Variants in PLPP3 observed in about 807,000 individuals in gnomAD.
PLPP3 encodes the protein phospholipid phosphatase 3.
A neutral mutation model predicts 29.6 loss-of-function variants in PLPP3; 6 were observed. That is an observed-to-expected ratio of 0.20 (90% confidence interval 0.11 to 0.40). The LOEUF (loss-of-function observed/expected upper bound fraction) is 0.40. Ranked by LOEUF, PLPP3 falls within the 10% of genes least tolerant of loss-of-function variation. The pLI is 1.00. For synonymous variants in PLPP3, 152 were observed against 159.7 expected (o/e 0.95, Z 0.36); for missense variants, 308 against 407.7 (o/e 0.76, Z 2.11).
At chr1:56,532,059 T>G (rs1158064329) in intron 2 of PLPP3, among the ~76,000 whole-genome samples, 1 of 152,164 alleles carries the variant, frequency 6.6e-6, no homozygotes, top group African/African-American at 2.4e-5. Context: ...TGTACCTAAC[T>G]AAGGAAGAAT....
Position 56,524,645 on chromosome 1 carries a change from T to C in PLPP3, c.298-91A>G. The C allele has an allele frequency of 1.4e-6, 2 of 1,405,258 alleles. No homozygotes were observed. The highest frequency in any genetic ancestry group is 2.3e-5 in the East Asian group (1 of 42,810). The allele number at this position is 1,405,258 out of a possible 1,614,324, so 87.0% of individuals were successfully genotyped here. A position where few individuals can be genotyped will look rare whatever the true frequency, so the allele number is the denominator to read the frequency against. Reference sequence around the variant, plus strand: ...GGATATTCAACAACACAGGAGAATATTCAGTATTTGCAAAGGAGTGTCCTA... The same window carrying C: ...GGATATTCAACAACACAGGAGAATACTCAGTATTTGCAAAGGAGTGTCCTA... On this transcript the variant is annotated intron_variant, in intron 2 of 5. Coordinates refer to ENST00000371250, the MANE Select transcript of PLPP3 (RefSeq NM_003713.5). This position sits in a 1 kb window ranked among gnomAD's most constrained non-coding sequence, Gnocchi z 4.3.
At chr1:56,525,386 T>C (rs1398037497) in intron 2 of PLPP3, among the ~76,000 whole-genome samples, 1 of 152,202 alleles carries the variant, frequency 6.6e-6, no homozygotes, top group Admixed American at 6.5e-5. Flanking sequence ...CTCAAATCTT[T>C]CTTGATTTTC....
chr1:56,538,506 G>T (rs1759750), intron 1 of PLPP3: 189,947 of 410,978 alleles, frequency 0.46, 45,139 homozygotes, highest in African/African-American at 0.59. Flanking sequence ...CTCTAGGCCT[G>T]TTAGAAAACA....
At chr1:56,542,243 G>C (rs1417365316) in intron 1 of PLPP3, among the ~76,000 whole-genome samples, 1 of 152,090 alleles carries the variant, frequency 6.6e-6, no homozygotes, top group Non-Finnish European at 1.5e-5. Flanking sequence ...TTTGGGGGTG[G>C]AGTGTAAAAA....
chr1:56,548,725 T>C (rs1487967178), intron 1 of PLPP3, among the ~76,000 whole-genome samples: 1 of 152,196 alleles, frequency 6.6e-6, no homozygotes, highest in Non-Finnish European at 1.5e-5. Context: ...CACAGGGGCA[T>C]TACTAAAGTG....
In PLPP3 at chr1:56,524,184, C is replaced by T. The variant is rs1645837459; in HGVS notation, c.575+93G>A. ...AAGAATAGGAACTATGCCTTATTCA[C>T]CCATCTAAACCAGGGCCCAGCTAGT... On this transcript the variant is annotated intron_variant, in intron 3 of 5. Coordinates refer to ENST00000371250, the MANE Select transcript of PLPP3 (RefSeq NM_003713.5). This position sits in a 1 kb window ranked among gnomAD's most constrained non-coding sequence, Gnocchi z 4.3. 2 of 1,448,134 alleles carry T rather than the reference C, an allele frequency of 1.4e-6. No homozygotes were observed. Among genetic ancestry groups the T allele is most frequent in the Non-Finnish European group, 1.9e-6 (2 of 1,057,934 alleles). 89.7% of individuals were successfully genotyped at this position (1,448,134 alleles called of 1,614,324 possible). A position where few individuals can be genotyped will look rare whatever the true frequency, so the allele number is the denominator to read the frequency against.
intron 2 of PLPP3, among the ~76,000 whole-genome samples, chr1:56,536,504 C>T (rs2100265201): frequency 6.6e-6 from 1 of 152,264 alleles, no homozygotes; most frequent in East Asian, 1.9e-4. Context: ...TCAAAGTTTA[C>T]AACCAACCTC....
chr1:56,523,452 A>G (rs1645832441), intron 4 of PLPP3, among the ~76,000 whole-genome samples: 1 of 152,212 alleles, frequency 6.6e-6, no homozygotes, highest in Admixed American at 6.5e-5. Flanking sequence ...GTGGTGCAAG[A>G]GTAAGTGGTT....
intron 1 of PLPP3, among the ~76,000 whole-genome samples, chr1:56,574,282 T>G (rs932082879): frequency 2.2e-4 from 33 of 151,782 alleles, no homozygotes; most frequent in African/African-American, 8.0e-4. Context: ...GCTTACCTAC[T>G]AAATGATCCT....
chr1:56,571,047 G>C (rs1446268887), intron 1 of PLPP3, among the ~76,000 whole-genome samples: 3 of 152,300 alleles, frequency 2.0e-5, no homozygotes, highest in Non-Finnish European at 2.9e-5. Flanking sequence ...GCACGCAAGA[G>C]AGAAAGCTCT....
chr1:56,532,353 T>C (rs1030968634), intron 2 of PLPP3, among the ~76,000 whole-genome samples: 1 of 152,074 alleles, frequency 6.6e-6, no homozygotes, highest in Non-Finnish European at 1.5e-5. Flanking sequence ...CTCCCACTAA[T>C]GCACCACTGG....
intron 2 of PLPP3, among the ~76,000 whole-genome samples, chr1:56,533,986 T>C (rs1645907650): frequency 6.6e-6 from 1 of 152,218 alleles, no homozygotes; most frequent in Non-Finnish European, 1.5e-5. Context: ...GACTCAACCA[T>C]GCATCAATTC....
intron 2 of PLPP3, among the ~76,000 whole-genome samples, chr1:56,527,912 T>G (rs1298313267): frequency 6.6e-6 from 1 of 152,174 alleles, no homozygotes; most frequent in Non-Finnish European, 1.5e-5. Flanking sequence ...TTTCGGACTT[T>G]ATTCATTACT....
At chr1:56,555,003 G>A (rs1045416829) in intron 1 of PLPP3, among the ~76,000 whole-genome samples, 2 of 152,084 alleles carry the variant, frequency 1.3e-5, no homozygotes, top group Non-Finnish European at 2.9e-5. Flanking sequence ...ACAGACTTAG[G>A]AGCAATGGGG....
At chr1:56,567,109 G>C (rs921526258) in intron 1 of PLPP3, among the ~76,000 whole-genome samples, 2 of 152,168 alleles carry the variant, frequency 1.3e-5, no homozygotes, top group African/African-American at 4.8e-5. Context: ...TGAGACAAGA[G>C]TCTGTACGTC....
chr1:56,573,973 G>A (rs1037228365), intron 1 of PLPP3, among the ~76,000 whole-genome samples: 7 of 152,202 alleles, frequency 4.6e-5, no homozygotes, highest in African/African-American at 1.2e-4. Context: ...AGGCTGAAGC[G>A]GGCAGATCAC....
chr1:56,529,475 AAC>A (rs1645872735), intron 2 of PLPP3, among the ~76,000 whole-genome samples: 1 of 152,194 alleles, frequency 6.6e-6, no homozygotes, highest in Non-Finnish European at 1.5e-5. Flanking sequence ...TGAATTGATG[AAC>A]TTCTTTTGCC....
Position 56,518,715 on chromosome 1 carries a change from T to TA in PLPP3, c.633+5107_633+5108insT, listed in dbSNP as rs1645798825. 3.9e-5 allele frequency among the ~76,000 whole-genome samples: 5 copies of TA among 126,670 alleles called. 1 individual carries two copies. The highest frequency in any genetic ancestry group is 7.0e-5 in the Non-Finnish European group (4 of 57,342). 83.1% of individuals were successfully genotyped at this position (126,670 alleles called of 152,430 possible). A position where few individuals can be genotyped will look rare whatever the true frequency, so the allele number is the denominator to read the frequency against. ...GGAATTTACAGCCTTTTTTAATCAT[T>TA]TATATATATATATATATATAGACAG... is the stretch of plus-strand genomic sequence containing the variant. On this transcript the variant is annotated intron_variant, in intron 4 of 5. Transcript: ENST00000371250.
intron 5 of PLPP3, among the ~76,000 whole-genome samples, chr1:56,508,493 G>A (rs778509247): frequency 6.6e-6 from 1 of 152,230 alleles, no homozygotes; most frequent in Non-Finnish European, 1.5e-5. Context: ...TCAAGTGGTG[G>A]CCTTTGTGCC....
Sources: gnomAD v4.1 joint callset for allele counts (sites outside exome capture counted in the v4.1 genomes callset) on GRCh38, gnomAD v4.1.1 for gene constraint, Gnocchi (gnomAD v3.1) non-coding constraint, MANE v1.5 for transcripts, NCBI Gene and HGNC (gene_info 2026-07-23, HGNC 2026-07-21) for gene names.